The following NACC2 variants were observed in gnomAD, a reference collection of about 807,000 sequenced individuals.
The protein encoded by NACC2 is nucleus accumbens-associated protein 2.
Under a neutral mutation model 25.1 loss-of-function variants are expected in NACC2, and 8 were observed. That is an observed-to-expected ratio of 0.32 (90% CI 0.19 to 0.57). The LOEUF is 0.57. Ranked by LOEUF, NACC2 falls within the 20% of genes least tolerant of loss-of-function variation. NACC2 has a pLI of 0.89. For synonymous variants in NACC2, 435 were observed against 294.7 expected, an observed-to-expected ratio of 1.48 and a Z score of -4.88; for missense variants, 644 against 650.2, an observed-to-expected ratio of 0.99 and a Z score of 0.10.
chr9:136,035,644 G>T (rs889524043), intron 2 of NACC2, among the ~76,000 whole-genome samples: 2 of 152,030 alleles, frequency 1.3e-5, no homozygotes, highest in East Asian at 3.9e-4. Flanking sequence ...GAGGATGATG[G>T]ATTGAGATAA....
rs1484414623 is a variant in NACC2, at chr9:136,050,363, G to A, written c.159C>T (p.Leu53=). The A allele has an allele frequency of 1.9e-5, 14 of 749,344 alleles. No individual in the cohort carries two copies. Among genetic ancestry groups the A allele is most frequent in the Non-Finnish European group, 3.2e-5 (13 of 408,880 alleles). 46.4% of individuals were successfully genotyped at this position (749,344 alleles called of 1,614,324 possible). The change falls in exon 2 of 6, where the codon CTC becomes CTT. Residue 53 remains leucine, a synonymous_variant. Coordinates refer to ENST00000277554, the MANE Select transcript of NACC2 (RefSeq NM_144653.5). ...TGCCGCTGAACAGGTCGCGGAAGTA[G>A]AGGCTGCTGGCGGCCAGCACCGCCC... is the stretch of plus-strand genomic sequence containing the variant. ...AHRAVLAASS[L]YFRDLFSGNS...
At chr9:136,073,096 G>C (rs1047528065) in intron 1 of NACC2, among the ~76,000 whole-genome samples, 3 of 152,120 alleles carry the variant, frequency 2.0e-5, no homozygotes, top group Non-Finnish European at 4.4e-5. Context: ...AAACATGCCA[G>C]GAACACATTT....
chr9:136,082,563 C>G (rs551301060), intron 1 of NACC2, among the ~76,000 whole-genome samples: 1 of 152,182 alleles, frequency 6.6e-6, no homozygotes. Context: ...CCTCGGAGCC[C>G]GACAAACAAA....
At chr9:136,032,752 T>C (rs1840492779) in intron 2 of NACC2, among the ~76,000 whole-genome samples, 1 of 151,850 alleles carries the variant, frequency 6.6e-6, no homozygotes, top group Non-Finnish European at 1.5e-5. Flanking sequence ...CAAAAATTAG[T>C]CTGGGCATGG....
chr9:136,043,806 T>A (rs1840681525), intron 2 of NACC2, among the ~76,000 whole-genome samples: 1 of 152,204 alleles, frequency 6.6e-6, no homozygotes, highest in Admixed American at 6.5e-5. Flanking sequence ...GCACACTTTG[T>A]AAAGGATACA....
chr9:136,067,127 G>C (rs1420628738), intron 1 of NACC2, among the ~76,000 whole-genome samples: 13 of 152,078 alleles, frequency 8.5e-5, no homozygotes, highest in Admixed American at 8.5e-4. Flanking sequence ...GGTGGTTCAT[G>C]CCTGTAATCC....
rs1213223000 is a variant in NACC2, at chr9:136,007,452, C to T, written c.*4064G>A. 21 of 119,732 alleles carry T rather than the reference C, an allele frequency of 1.8e-4. No individual in the cohort carries two copies. The highest frequency in any genetic ancestry group is 5.9e-4 in the African/African-American group (18 of 30,706). The allele number at this position is 119,732 out of a possible 1,614,324, so 7.4% of individuals were successfully genotyped here. The stretch of plus-strand genomic sequence containing the variant: ...ACATACACACAGACGCGCACACACA[C>T]GCGCACACAGACGCACACACACAGA... On this transcript the variant is annotated 3_prime_UTR_variant, in exon 6 of 6. Transcript: ENST00000277554.
chr9:136,024,313 TTGTGTGAGGACAGAGTGTGTG>T (rs1358691269), intron 2 of NACC2, among the ~76,000 whole-genome samples: 12 of 30,020 alleles, frequency 4.0e-4, no homozygotes, highest in South Asian at 1.9e-3. Context: ...GACAGAGGGT[TTGTGTGAGGACAGAGTGTGTG>T]TGTGTGAGGA....
At chr9:136,026,923 C>T (rs906469358) in intron 2 of NACC2, among the ~76,000 whole-genome samples, 8 of 152,200 alleles carry the variant, frequency 5.3e-5, no homozygotes, top group Non-Finnish European at 1.0e-4. Flanking sequence ...AGTCAAAACA[C>T]TCCAGTAGAA....
intron 1 of NACC2, among the ~76,000 whole-genome samples, chr9:136,075,046 A>G (rs1447974325): frequency 1.3e-5 from 2 of 151,162 alleles, no homozygotes; most frequent in Non-Finnish European, 3.0e-5. Context: ...AGAGGACGTG[A>G]CCTCCTCCAG....
intron 1 of NACC2, among the ~76,000 whole-genome samples, chr9:136,079,499 C>G (rs1830298933): frequency 6.6e-6 from 1 of 152,174 alleles, no homozygotes; most frequent in African/African-American, 2.4e-5. Context: ...GCAGGTGGGG[C>G]AGCAAGCCCC....
intron 1 of NACC2, among the ~76,000 whole-genome samples, chr9:136,077,493 C>T (rs72773712): frequency 0.032 from 4,812 of 152,124 alleles, 121 homozygotes; most frequent in Admixed American, 0.054. Flanking sequence ...AAAAACAAGC[C>T]GAGAAGGACA....
chr9:136,070,445 T>G (rs1302808190), intron 1 of NACC2, among the ~76,000 whole-genome samples: 1 of 151,560 alleles, frequency 6.6e-6, no homozygotes, highest in African/African-American at 2.4e-5. Context: ...AAGCGGAGGT[T>G]GCAGTGAGCC....
At chr9:136,024,758 T>C (rs569441876) in intron 2 of NACC2, among the ~76,000 whole-genome samples, 1 of 152,218 alleles carries the variant, frequency 6.6e-6, no homozygotes, top group South Asian at 2.1e-4. Context: ...TTAGACTAAC[T>C]CCCTCATCAA....
At chr9:136,044,947 G>A (rs1331716499) in intron 2 of NACC2, among the ~76,000 whole-genome samples, 1 of 152,176 alleles carries the variant, frequency 6.6e-6, no homozygotes, top group Admixed American at 6.5e-5. Context: ...GACCTTGCAG[G>A]TCACCCTGAA....
intron 1 of NACC2, among the ~76,000 whole-genome samples, chr9:136,058,627 G>C (rs1840964487): frequency 6.6e-6 from 1 of 152,134 alleles, no homozygotes; most frequent in Non-Finnish European, 1.5e-5. Flanking sequence ...AACCCACCGG[G>C]TACCATGCTC....
chr9:136,087,174 C>T (rs946074213), intron 1 of NACC2, among the ~76,000 whole-genome samples: 3 of 152,264 alleles, frequency 2.0e-5, no homozygotes, highest in African/African-American at 4.8e-5. Flanking sequence ...AGCTGGAGGG[C>T]GGCATGTGAC....
In NACC2 at chr9:136,041,515, A is replaced by G. The variant is rs910998591; in HGVS notation, c.886+8121T>C. 2.9e-4 allele frequency among the ~76,000 whole-genome samples: 44 copies of G among 152,320 alleles called. 1 individual carries two copies. The Middle Eastern group carries it at 0.024, about 82-fold the overall frequency. On this transcript the variant is annotated intron_variant, in intron 2 of 5. Transcript: ENST00000277554. ...CCAAAAGAAAAAAGCCAGTCACAGT[A>G]TATCATACGATTCCATTGAACCAAA...
chr9:136,059,280 C>T lies in NACC2; in HGVS notation c.-59-8700G>A, dbSNP rs544914108. Among the ~76,000 whole-genome samples, 50 of 152,298 alleles carry T rather than the reference C, an allele frequency of 3.3e-4. No homozygotes were observed. In the East Asian group the frequency reaches 6.2e-3, roughly 19 times the overall value. ...AGGCCAGAGCCACACGCACAGGGGC[C>T]CGCAGAGCTAAGCAAGGGGCACAGC... On this transcript the variant is annotated intron_variant, in intron 1 of 5. Transcript: ENST00000277554.
Sources: gnomAD v4.1 joint callset for allele counts (sites outside exome capture counted in the v4.1 genomes callset) on GRCh38, gnomAD v4.1.1 for gene constraint, MANE v1.5 for transcripts, NCBI Gene and HGNC (gene_info 2026-07-23, HGNC 2026-07-21) for gene names.